Variants in SLC28A1 observed in about 807,000 individuals in gnomAD.
SLC28A1 encodes solute carrier family 28 member 1.
A neutral mutation model predicts 74.8 loss-of-function variants in SLC28A1; 64 were observed. That is an observed-to-expected ratio of 0.86 (90% CI 0.70 to 1.05). SLC28A1 has a LOEUF of 1.05. SLC28A1 is among the 50% of genes least tolerant of loss of function. The pLI, the probability that SLC28A1 is intolerant of heterozygous loss-of-function variation, is 0.00. For synonymous variants in SLC28A1, 359 were observed against 335.0 expected (o/e 1.07, Z -0.78); for missense variants, 828 against 822.8 (o/e 1.01, Z -0.08).
At position 84,944,951 on chromosome 15, in the gene SLC28A1, C is replaced by A. The variant is rs947876184; in HGVS notation, c.1874+84C>A. ...GCGCTGGGGGGGATGCCTTTGGTAC[C>A]AGGGTGAGGGTAGAAATGTTACGGC... On this transcript the variant is annotated intron_variant, in intron 18 of 18. Coordinates refer to ENST00000394573, the MANE Select transcript of SLC28A1 (RefSeq NM_004213.5). 6.1e-6 allele frequency: 7 copies of A among 1,151,776 alleles called. No homozygotes were observed. The African/African-American group carries it at 1.1e-4, about 17-fold the overall frequency. The allele number at this position is 1,151,776 out of a possible 1,614,324, so 71.3% of individuals were successfully genotyped here.
At chr15:84,913,998 G>T (rs1200897778) in intron 9 of SLC28A1, among the ~76,000 whole-genome samples, 1 of 152,108 alleles carries the variant, frequency 6.6e-6, no homozygotes, top group South Asian at 2.1e-4. Context: ...GCCCAGGCTG[G>T]AGTGCAGTAG....
downstream of SLC28A1, among the ~76,000 whole-genome samples, chr15:84,949,443 T>C (rs896367): frequency 0.89 from 134,727 of 152,130 alleles, 59,770 homozygotes; most frequent in East Asian, 0.96. Context: ...TGTGCAGTAG[T>C]GCAAAAATCC....
chr15:84,917,426 C>T (rs1277240456), intron 9 of SLC28A1, among the ~76,000 whole-genome samples: 1 of 152,186 alleles, frequency 6.6e-6, no homozygotes, highest in Non-Finnish European at 1.5e-5. Flanking sequence ...CAAGATCACA[C>T]ACAACGCCCC....
At chr15:84,955,258 C>T in the SLC28A1 span, among the ~76,000 whole-genome samples, 1 of 152,148 alleles carries the variant, frequency 6.6e-6, no homozygotes, top group African/African-American at 2.4e-5. Flanking sequence ...TGGTGCCCAT[C>T]TAAATTCCTG....
chr15:84,936,319 A>G (rs1216605109), intron 15 of SLC28A1, among the ~76,000 whole-genome samples: 1 of 151,344 alleles, frequency 6.6e-6, no homozygotes, highest in African/African-American at 2.4e-5. Flanking sequence ...GTGCAGTGGC[A>G]CATTCTTAGC....
intron 12 of SLC28A1, among the ~76,000 whole-genome samples, chr15:84,925,072 T>G (rs1970336438): frequency 7.8e-6 from 1 of 128,802 alleles, no homozygotes; most frequent in African/African-American, 3.0e-5. Context: ...AGCTAGTTTT[T>G]TTTTTTTTTT....
chr15:84,908,666 T>G (rs1967660737), intron 8 of SLC28A1, 52 bp from the exon 9 acceptor site: 1 of 1,496,400 alleles, frequency 6.7e-7, no homozygotes, highest in Non-Finnish European at 9.2e-7. Context: ...TCCTCCCTCC[T>G]CCCTTCCCAG....
rs1969774013 is a variant in SLC28A1, at chr15:84,921,067, C to T, written c.955C>T (p.Gln319Ter). Residue 319 changes from glutamine to a stop codon, truncating the protein, a stop_gained and splice_region_variant, in exon 11 of 19, where the codon CAG (glutamine) becomes TAG (stop). Transcript: ENST00000394573. LOFTEE classifies it high-confidence loss of function. ...TGTGGCTGGAAACATCTTTGTGAGC[C>T]AGGTGGGTATGGAAGCCTCCTACCC... ...LSVAGNIFVS[Q>*]TEAPLLIRPY... 3 of 1,613,002 alleles carry T rather than the reference C, an allele frequency of 1.9e-6. No homozygotes were observed. Among genetic ancestry groups the T allele is most frequent in the South Asian group, 1.1e-5 (1 of 91,070 alleles).
intron 3 of SLC28A1, 141 bp downstream of exon 3, chr15:84,887,997 G>A (rs1448045053): frequency 2.9e-6 from 2 of 681,936 alleles, no homozygotes; most frequent in African/African-American, 1.8e-5. Flanking sequence ...TGCTGGCACA[G>A]TTATGAACCT....
chr15:84,967,662 G>T, the SLC28A1 span, among the ~76,000 whole-genome samples: 1 of 152,160 alleles, frequency 6.6e-6, no homozygotes. Context: ...TAGCAGCCCC[G>T]TATGGGACTT....
chr15:84,969,040 T>C, the SLC28A1 span, among the ~76,000 whole-genome samples: 2 of 152,154 alleles, frequency 1.3e-5, no homozygotes, highest in African/African-American at 4.8e-5. Context: ...AATGTGGCTT[T>C]TATATGCACA....
At chr15:84,946,487 C>T (rs544798513), downstream of SLC28A1, among the ~76,000 whole-genome samples, 36 of 151,954 alleles carry the variant, frequency 2.4e-4, no homozygotes, top group Non-Finnish European at 4.0e-4. Context: ...GAATCGGAGT[C>T]GCGGACAGGT....
chr15:84,905,306 T>C (rs184568843), intron 7 of SLC28A1, among the ~76,000 whole-genome samples: 1 of 152,046 alleles, frequency 6.6e-6, no homozygotes, highest in African/African-American at 2.4e-5. Context: ...TTCACCTGAG[T>C]TCTTGGTTAG....
chr15:84,973,863 C>T, the SLC28A1 span, among the ~76,000 whole-genome samples: 1 of 152,140 alleles, frequency 6.6e-6, no homozygotes, highest in Non-Finnish European at 1.5e-5. Flanking sequence ...GTGTCTAGGC[C>T]CAGCCTACTG....
intron 9 of SLC28A1, among the ~76,000 whole-genome samples, chr15:84,911,023 G>T (rs1328820511): frequency 2.0e-5 from 3 of 152,232 alleles, no homozygotes; most frequent in Non-Finnish European, 4.4e-5. Context: ...GAGTTCAGTG[G>T]ATAGGCAGGT....
intron 11 of SLC28A1, among the ~76,000 whole-genome samples, chr15:84,921,584 GCC>G (rs1169581313): frequency 6.6e-6 from 1 of 152,184 alleles, no homozygotes; most frequent in East Asian, 1.9e-4. Context: ...CCTGAGGATG[GCC>G]CTCTGGAGAC....
intron 5 of SLC28A1, among the ~76,000 whole-genome samples, chr15:84,890,779 G>C (rs1965286591): frequency 6.6e-6 from 1 of 152,158 alleles, no homozygotes; most frequent in Non-Finnish European, 1.5e-5. Flanking sequence ...ATGTCATCTG[G>C]GAACACCAAG....
At chr15:84,954,636 G>A in the SLC28A1 span, among the ~76,000 whole-genome samples, 1 of 152,208 alleles carries the variant, frequency 6.6e-6, no homozygotes, top group East Asian at 1.9e-4. Flanking sequence ...TTCAGCGGCT[G>A]AGCCAGGTTT....
the SLC28A1 span, among the ~76,000 whole-genome samples, chr15:84,957,272 T>G: frequency 2.2e-4 from 33 of 152,138 alleles, no homozygotes; most frequent in African/African-American, 8.0e-4. Flanking sequence ...TGTTTTGTTT[T>G]GTTTTGTTTT....
Sources: allele counts gnomAD v4.1 joint callset (sites outside exome capture counted in the v4.1 genomes callset), GRCh38; gene constraint gnomAD v4.1.1; transcripts MANE v1.5; gene names NCBI Gene and HGNC (gene_info 2026-07-23, HGNC 2026-07-21).